The following C9 variants were observed in gnomAD, a reference collection of about 807,000 sequenced individuals.
C9 encodes the protein complement component C9.
In C9, 63 loss-of-function variants were observed where a neutral mutation model predicts 65.4. The ratio of observed to expected loss-of-function variants is 0.96; its 90% confidence interval spans 0.79 to 1.19. The LOEUF is 1.19. Among genes scored for constraint, C9 ranks in the 50% most tolerant of loss-of-function variants. The probability of loss-of-function intolerance (pLI) is 0.00; values close to 1 mark genes in which losing one functional copy is unlikely to be tolerated. For missense variants in C9, 744 were observed against 670.1 expected (o/e 1.11, Z -1.22); for synonymous variants, 229 against 227.9 (o/e 1.00, Z -0.04).
chr5:39,292,945 TA>T (rs1161419592), intron 9 of C9, among the ~76,000 whole-genome samples: 1 of 150,824 alleles, frequency 6.6e-6, no homozygotes, highest in Non-Finnish European at 1.5e-5. Context: ...ACATACTGAA[TA>T]AAAAAGAATA....
At chr5:39,347,278 G>C (rs1754216231) in intron 1 of C9, among the ~76,000 whole-genome samples, 1 of 152,138 alleles carries the variant, frequency 6.6e-6, no homozygotes, top group Non-Finnish European at 1.5e-5. Context: ...AAACTCCCTT[G>C]TCTCAGCCCC....
intron 4 of C9, among the ~76,000 whole-genome samples, chr5:39,336,417 A>G (rs1283316095): frequency 1.3e-5 from 2 of 152,116 alleles, no homozygotes; most frequent in Non-Finnish European, 2.9e-5. Context: ...TTTCTGTACC[A>G]AAAAGATATT....
At chr5:39,341,800 G>T in intron 2 of C9, 100 bp from the exon 3 acceptor site, 2 of 1,109,336 alleles carry the variant, frequency 1.8e-6, no homozygotes, top group East Asian at 2.4e-5. Flanking sequence ...ATGAGTCAAT[G>T]GTTTTAAGAT....
intron 1 of C9, among the ~76,000 whole-genome samples, chr5:39,348,339 C>T (rs901971755): frequency 6.6e-6 from 1 of 152,100 alleles, no homozygotes; most frequent in African/African-American, 2.4e-5. Flanking sequence ...AAGCAAACAA[C>T]CCCATCAAAA....
intron 1 of C9, among the ~76,000 whole-genome samples, chr5:39,343,215 G>A (rs1754123198): frequency 6.6e-6 from 1 of 152,202 alleles, no homozygotes; most frequent in Non-Finnish European, 1.5e-5. Flanking sequence ...AGTGTGTGCT[G>A]AAGCAGGGCA....
intron 9 of C9, among the ~76,000 whole-genome samples, chr5:39,290,122 G>T (rs558830864): frequency 4.8e-4 from 73 of 151,950 alleles, no homozygotes; most frequent in Non-Finnish European, 9.4e-4. Flanking sequence ...ATACAGTAAA[G>T]AATTTTGAAA....
intron 10 of C9, among the ~76,000 whole-genome samples, chr5:39,285,545 G>C (rs912081931): frequency 6.6e-6 from 1 of 152,052 alleles, no homozygotes; most frequent in African/African-American, 2.4e-5. Flanking sequence ...TAATTGGACT[G>C]GGTTCAAAAT....
At chr5:39,288,318 TA>T (rs1354586440) in intron 10 of C9, among the ~76,000 whole-genome samples, 1 of 151,614 alleles carries the variant, frequency 6.6e-6, no homozygotes. Context: ...TGTTGCTTCT[TA>T]AAAAAGGGTT....
At chr5:39,317,857 T>G (rs976338926) in intron 5 of C9, among the ~76,000 whole-genome samples, 1 of 150,078 alleles carries the variant, frequency 6.7e-6, no homozygotes, top group Non-Finnish European at 1.5e-5. Context: ...AATTTTAAAA[T>G]GGTTTTTTTT....
chr5:39,364,468 G>A lies in C9; in HGVS notation c.-4C>T. On this transcript the variant is annotated 5_prime_UTR_variant, in exon 1 of 11. Coordinates refer to ENST00000263408, the MANE Select transcript of C9 (RefSeq NM_001737.5). ...CAAAGCTCCGGCAGGCTGACATGCT[G>A]CTCTTGCTGGGTGGCTGCGAGTGGG... is the stretch of plus-strand genomic sequence containing the variant. 1 of 1,596,980 alleles carries A rather than the reference G, an allele frequency of 6.3e-7. No homozygotes were observed. Among genetic ancestry groups the A allele is most frequent in the African/African-American group, 1.3e-5 (1 of 74,758 alleles).
At chr5:39,285,613 A>G (rs1752977980) in intron 10 of C9, among the ~76,000 whole-genome samples, 1 of 152,126 alleles carries the variant, frequency 6.6e-6, no homozygotes, top group African/African-American at 2.4e-5. Flanking sequence ...TAAAAATTCA[A>G]AAAACAAAAA....
intron 5 of C9, among the ~76,000 whole-genome samples, chr5:39,321,510 G>T (rs1753666935): frequency 6.6e-6 from 1 of 151,118 alleles, no homozygotes; most frequent in Admixed American, 6.6e-5. Flanking sequence ...GAAAGAAATA[G>T]CCAGAAAGAA....
At chr5:39,302,530 T>A (rs915756336) in intron 9 of C9, among the ~76,000 whole-genome samples, 6 of 152,132 alleles carry the variant, frequency 3.9e-5, no homozygotes, top group African/African-American at 1.4e-4. Context: ...CCCTTTAAAA[T>A]ATTGATGCTC....
At chr5:39,312,938 G>A (rs972303754) in intron 6 of C9, among the ~76,000 whole-genome samples, 1 of 152,020 alleles carries the variant, frequency 6.6e-6, no homozygotes, top group African/African-American at 2.4e-5. Flanking sequence ...GGTCATATGA[G>A]CTCTTCATCT....
intron 9 of C9, among the ~76,000 whole-genome samples, chr5:39,292,385 T>C (rs930675501): frequency 1.3e-5 from 2 of 151,608 alleles, no homozygotes; most frequent in African/African-American, 4.8e-5. Flanking sequence ...CATAGAATTT[T>C]ATACCTAATG....
intron 9 of C9, among the ~76,000 whole-genome samples, chr5:39,299,170 TAAAG>T (rs1753238804): frequency 6.6e-6 from 1 of 151,822 alleles, no homozygotes; most frequent in South Asian, 2.1e-4. Context: ...ATTGAGAAAA[TAAAG>T]AAATCTCTAT....
At chr5:39,347,044 G>A (rs1754211072) in intron 1 of C9, among the ~76,000 whole-genome samples, 1 of 152,154 alleles carries the variant, frequency 6.6e-6, no homozygotes, top group African/African-American at 2.4e-5. Flanking sequence ...AGCTATTTAT[G>A]ACAAACCCAC....
In C9 at chr5:39,284,815, C is replaced by T. The variant is rs929939193; in HGVS notation, c.*384G>A. 8.9e-5 allele frequency: 23 copies of T among 259,832 alleles called. No individual in the cohort carries two copies. Among genetic ancestry groups the T allele is most frequent in the African/African-American group, 3.8e-4 (17 of 44,346 alleles). 16.1% of individuals were successfully genotyped at this position (259,832 alleles called of 1,614,324 possible). Reference sequence around the variant, plus strand: ...TAAGAGTTAAATTGCATGGTACAGACGTGTGGTCATGGACCTGGCAGAATA... The same window carrying T: ...TAAGAGTTAAATTGCATGGTACAGATGTGTGGTCATGGACCTGGCAGAATA... On this transcript the variant is annotated 3_prime_UTR_variant, in exon 11 of 11. Transcript: ENST00000263408.
chr5:39,298,152 G>C (rs1025169209), intron 9 of C9, among the ~76,000 whole-genome samples: 19 of 151,202 alleles, frequency 1.3e-4, no homozygotes, highest in African/African-American at 4.6e-4. Context: ...AAAACTTGTG[G>C]GACACAGTTA....
Sources: allele counts gnomAD v4.1 joint callset (sites outside exome capture counted in the v4.1 genomes callset), GRCh38; gene constraint gnomAD v4.1.1; transcripts MANE v1.5; gene names NCBI Gene and HGNC (gene_info 2026-07-23, HGNC 2026-07-21).